Variants in NBPF11 observed in about 807,000 individuals in gnomAD.
The protein encoded by NBPF11 is NBPF member 11, also known as NBPF family member NBPF11.
Under a neutral mutation model 93.9 loss-of-function variants are expected in NBPF11, and 72 were observed. That is an observed-to-expected ratio of 0.77 (90% CI 0.63 to 0.93). The LOEUF is 0.93. NBPF11 is among the 40% of genes least tolerant of loss of function. The pLI is 0.00. For missense variants in NBPF11, 705 were observed against 802.2 expected (o/e 0.88, Z 1.46); for synonymous variants, 224 against 304.9 (o/e 0.73, Z 2.76).
chr1:148,146,292 C>G (rs1328894654), intron 1 of NBPF11: 293 of 1,341,490 alleles, frequency 2.2e-4, no homozygotes, highest in South Asian at 4.5e-4. Flanking sequence ...CGCTCTCCCC[C>G]CTGCCCGCGA....
rs1446751145 is a variant in NBPF11, at chr1:148,114,163, A to G, written c.1637+274T>C. ...GACACAAAAAACCCTTCAAAAAATC[A>G]ATGAATCCAGGGCTGGTTTTTTGAA... On this transcript the variant is annotated intron_variant, in intron 15 of 23. Transcript: ENST00000682118. Among the ~76,000 whole-genome samples, 72 of 145,256 alleles carry G rather than the reference A, an allele frequency of 5.0e-4. 1 individual carries two copies. Among genetic ancestry groups the G allele is most frequent in the African/African-American group, 1.8e-3 (70 of 38,968 alleles).
At chr1:148,114,823 C>A (rs1459216614) in intron 14 of NBPF11, among the ~76,000 whole-genome samples, 3 of 150,354 alleles carry the variant, frequency 2.0e-5, no homozygotes, top group African/African-American at 4.9e-5. Flanking sequence ...ACTTATATCA[C>A]CAGGTAACAT....
intron 1 of NBPF11, chr1:148,146,392 G>T (rs1336295106): frequency 1.1e-5 from 17 of 1,593,856 alleles, no homozygotes; most frequent in Admixed American, 1.7e-5. Context: ...GGCGGCGCCC[G>T]CCATGAACGG....
intron 12 of NBPF11, 70 bp downstream of exon 12, chr1:148,117,502 G>GA (rs1432663347): frequency 1.5e-6 from 1 of 670,170 alleles, no homozygotes; most frequent in African/African-American, 1.8e-5. Flanking sequence ...CTGTCATTGT[G>GA]AAAGTATGGA....
chr1:148,142,174 A>G (rs1460370984), intron 2 of NBPF11, among the ~76,000 whole-genome samples: 1 of 151,680 alleles, frequency 6.6e-6, no homozygotes, highest in African/African-American at 2.4e-5. Flanking sequence ...AGTAGGGAAG[A>G]AAGGAAGGAA....
In NBPF11 at chr1:148,150,726, G is replaced by C. The variant is rs1409361274; in HGVS notation, c.-549+1024C>G. On this transcript the variant is annotated intron_variant, in intron 1 of 23. Coordinates refer to ENST00000682118, the MANE Select transcript of NBPF11 (RefSeq NM_001385469.3). ...AAGAAAAGATACCACTGCAAGAAAA[G>C]GCTTTTTTTTTTTTTTTTAGAGGGA... 8.8e-3 allele frequency among the ~76,000 whole-genome samples: 1,268 copies of C among 143,620 alleles called. 38 individuals are homozygous for C. Among genetic ancestry groups the C allele is most frequent in the African/African-American group, 0.033 (1,205 of 36,700 alleles). The allele number at this position is 143,620 out of a possible 152,430, so 94.2% of individuals were successfully genotyped here.
intron 10 of NBPF11, among the ~76,000 whole-genome samples, chr1:148,120,274 G>T (rs1667519985): frequency 1.3e-5 from 2 of 152,190 alleles, no homozygotes; most frequent in East Asian, 1.9e-4. Flanking sequence ...TCAATAAATG[G>T]CAGTTTAACT....
intron 1 of NBPF11, among the ~76,000 whole-genome samples, chr1:148,150,307 T>C (rs1647964525): frequency 2.0e-5 from 3 of 149,622 alleles, no homozygotes; most frequent in African/African-American, 7.5e-5. Context: ...TTTTGCCACG[T>C]TGCCCAGGCT....
In NBPF11 at chr1:148,105,524, T is replaced by A. The variant is rs1663341784; in HGVS notation, c.2308A>T (p.Ser770Cys). The A allele has an allele frequency of 3.5e-6, 3 of 866,150 alleles. No individual in the cohort carries two copies. Among genetic ancestry groups the A allele is most frequent in the South Asian group, 2.7e-5 (2 of 73,562 alleles). 53.7% of individuals were successfully genotyped at this position (866,150 alleles called of 1,614,324 possible). The change falls in exon 22 of 24, where the codon AGC becomes TGC. Residue 770 changes from serine (S) to cysteine (C), a missense_variant. Ser to Cys is a moderately radical substitution (Grantham distance 112). Coordinates refer to ENST00000682118, the MANE Select transcript of NBPF11 (RefSeq NM_001385469.3). Reference protein sequence around the residue: ...EDQGPPCPRLSRELLEVVEPE... With the variant: ...EDQGPPCPRLCRELLEVVEPE... Reference sequence around the variant, plus strand: ...TCTACTACCTCCAGCAGCTCCCTGCTGAGCCTGGAAAAGGAGGAAAAAGTA... The same window carrying A: ...TCTACTACCTCCAGCAGCTCCCTGCAGAGCCTGGAAAAGGAGGAAAAAGTA...
At position 148,139,244 on chromosome 1, in the gene NBPF11, C is replaced by T. The variant is rs1348461618; in HGVS notation, c.-276-1435G>A. 1.1e-3 allele frequency among the ~76,000 whole-genome samples: 167 copies of T among 149,998 alleles called. 1 individual carries two copies. The highest frequency in any genetic ancestry group is 4.0e-3 in the African/African-American group (161 of 39,902). On this transcript the variant is annotated intron_variant, in intron 2 of 23. Transcript: ENST00000682118. ...AGGTTTGGTAACAAATACCAGTCACCAGCACAGAAGAACCAATTCAAGGAG... is the reference window on the plus strand; with the variant it reads ...AGGTTTGGTAACAAATACCAGTCACTAGCACAGAAGAACCAATTCAAGGAG...
intron 1 of NBPF11, among the ~76,000 whole-genome samples, chr1:148,145,862 AGAGT>A (rs1476065879): frequency 1.3e-5 from 2 of 151,640 alleles, no homozygotes; most frequent in African/African-American, 4.9e-5. Context: ...CCTGGGCAAC[AGAGT>A]GAGATCTTGT....
intron 1 of NBPF11, chr1:148,146,382 G>C (rs1673078027): frequency 6.3e-6 from 10 of 1,576,914 alleles, no homozygotes; most frequent in Non-Finnish European, 8.6e-6. Flanking sequence ...GCCCGGCCCG[G>C]GCGGCGCCCG....
intron 1 of NBPF11, chr1:148,146,817 C>T (rs1276202461): frequency 6.2e-7 from 1 of 1,613,664 alleles, no homozygotes. Context: ...TCCACTGCAA[C>T]ATCTTCACCT....
intron 1 of NBPF11, among the ~76,000 whole-genome samples, chr1:148,147,441 C>T (rs1365077804): frequency 2.6e-5 from 4 of 152,062 alleles, no homozygotes; most frequent in African/African-American, 9.7e-5. Flanking sequence ...GGGCCAGCCT[C>T]GATTCCAGAT....
intron 2 of NBPF11, among the ~76,000 whole-genome samples, chr1:148,142,905 G>A (rs2149295952): frequency 6.6e-6 from 1 of 152,362 alleles, no homozygotes; most frequent in East Asian, 1.9e-4. Context: ...CATTATACTG[G>A]CAACTGAGCC....
intron 15 of NBPF11, among the ~76,000 whole-genome samples, chr1:148,112,989 C>A (rs1665662668): frequency 6.6e-6 from 1 of 151,898 alleles, no homozygotes; most frequent in Non-Finnish European, 1.5e-5. Flanking sequence ...TGGAAAGGAA[C>A]AACCGGTACC....
intron 17 of NBPF11, among the ~76,000 whole-genome samples, chr1:148,108,878 C>CACAA (rs1448917810): frequency 1.4e-4 from 20 of 144,032 alleles, no homozygotes; most frequent in African/African-American, 4.8e-4. Flanking sequence ...CACACACACA[C>CACAA]ACACACACAC....
chr1:148,111,255 T>C (rs1316850951), intron 15 of NBPF11, among the ~76,000 whole-genome samples: 1 of 152,044 alleles, frequency 6.6e-6, no homozygotes, highest in Non-Finnish European at 1.5e-5. Flanking sequence ...TAGGTCACCA[T>C]CATCAAAGAC....
chr1:148,132,235 ATGTTTGTGT>A (rs1558157494), intron 4 of NBPF11, among the ~76,000 whole-genome samples: 1 of 80,204 alleles, frequency 1.2e-5, no homozygotes, highest in African/African-American at 4.5e-5. Flanking sequence ...ACACACACAC[ATGTTTGTGT>A]GTGTGTGTGT....
Sources: allele counts gnomAD v4.1 joint callset (sites outside exome capture counted in the v4.1 genomes callset), GRCh38; gene constraint gnomAD v4.1.1; transcripts MANE v1.5; gene names NCBI Gene and HGNC (gene_info 2026-07-23, HGNC 2026-07-21).